ADGRV1: variants seen among roughly 807,000 people sequenced by gnomAD.
ADGRV1 encodes the protein adhesion G protein-coupled receptor V1.
In ADGRV1, 359 loss-of-function variants were observed where a neutral mutation model predicts 596.2. The observed-to-expected ratio is 0.60, with a 90% CI of 0.55 to 0.66. ADGRV1 has a LOEUF of 0.66. ADGRV1 is among the 30% of genes least tolerant of loss of function. The pLI is 0.00. For missense variants in ADGRV1, 7,274 were observed against 7,575.6 expected (o/e 0.96, Z 1.48); for synonymous variants, 2,681 against 2,679.2 (o/e 1.00, Z -0.02).
At chr5:90,708,140 A>G (rs1400897982) in intron 38 of ADGRV1, among the ~76,000 whole-genome samples, 1 of 151,192 alleles carries the variant, frequency 6.6e-6, no homozygotes, top group Non-Finnish European at 1.5e-5. Flanking sequence ...TTCTTTGTAA[A>G]TATTGATGGC....
At chr5:91,060,496 C>T (rs771521694) in intron 85 of ADGRV1, among the ~76,000 whole-genome samples, 23 of 151,780 alleles carry the variant, frequency 1.5e-4, no homozygotes, top group Non-Finnish European at 2.9e-4. Context: ...TCCCGAAGTG[C>T]TGAGGTTACA....
At chr5:90,710,927 A>C (rs1749253101) in intron 39 of ADGRV1, 54 bp from the exon 40 acceptor site, 4 of 1,081,584 alleles carry the variant, frequency 3.7e-6, no homozygotes, top group Middle Eastern at 4.2e-4. Context: ...CCTATATCAA[A>C]AATATTTTTA....
Position 91,163,882 on chromosome 5 carries a change from C to A in ADGRV1, c.18903C>A (p.Ile6301=). 1 of 1,559,896 alleles carries A rather than the reference C, an allele frequency of 6.4e-7. No individual in the cohort carries two copies. The highest frequency in any genetic ancestry group is 8.8e-7 in the Non-Finnish European group (1 of 1,133,146). Residue 6301 remains isoleucine (I), a synonymous_variant, in exon 90 of 90, where the codon ATC becomes ATA. Transcript: ENST00000405460. ...SQIVELRRIP[I]ADTHL ...TCGTGGAGCTCAGGAGGATACCCAT[C>A]GCCGACACTCACCTGTAGCACCTCA...
intron 83 of ADGRV1, among the ~76,000 whole-genome samples, chr5:90,938,765 T>G (rs1421037864): frequency 2.0e-5 from 3 of 152,190 alleles, no homozygotes; most frequent in South Asian, 4.1e-4. Flanking sequence ...TATTAATCAC[T>G]GAAACACTGA....
intron 1 of ADGRV1, among the ~76,000 whole-genome samples, chr5:90,564,322 G>A (rs1755255428): frequency 6.6e-6 from 1 of 152,192 alleles, no homozygotes; most frequent in Non-Finnish European, 1.5e-5. Flanking sequence ...GTAAGCTAAG[G>A]TTGGAGAGTG....
At chr5:90,686,960 G>A (rs1464661859) in intron 29 of ADGRV1, among the ~76,000 whole-genome samples, 14 of 152,140 alleles carry the variant, frequency 9.2e-5, no homozygotes, top group East Asian at 3.8e-4. Context: ...TTTCTCTGAC[G>A]GCCAGTGATG....
chr5:90,963,676 G>A (rs903750596), intron 83 of ADGRV1, among the ~76,000 whole-genome samples: 1 of 151,550 alleles, frequency 6.6e-6, no homozygotes, highest in African/African-American at 2.4e-5. Context: ...GGAGTAGAAA[G>A]GGACTTTGGA....
rs146859057 is a variant in ADGRV1 at position 90,715,909 on chromosome 5, T to C, written c.9185-558T>C. On this transcript the variant is annotated intron_variant, in intron 42 of 89. Transcript: ENST00000405460. ...GCAATTAGTAAGTTCTTAATAGTAT[T>C]AGTTGTAATTATTATTAATATAAGT... is the stretch of plus-strand genomic sequence containing the variant. 3.6e-3 allele frequency among the ~76,000 whole-genome samples: 551 copies of C among 152,318 alleles called. 30 individuals carry two copies. The East Asian group carries it at 0.098, about 27-fold the overall frequency.
At chr5:90,916,884 G>A (rs1040969664) in intron 83 of ADGRV1, among the ~76,000 whole-genome samples, 1 of 151,840 alleles carries the variant, frequency 6.6e-6, no homozygotes, top group Non-Finnish European at 1.5e-5. Context: ...CGCCCGCCTC[G>A]GCCTCCCAAA....
At chr5:90,690,131 A>G in intron 30 of ADGRV1, 55 bp downstream of exon 30, 2 of 1,002,188 alleles carry the variant, frequency 2.0e-6, no homozygotes, top group Non-Finnish European at 3.0e-6. Flanking sequence ...TAGATCATAG[A>G]TAATGATCTT....
chr5:90,835,457 T>C (rs1372718727), intron 77 of ADGRV1, among the ~76,000 whole-genome samples: 3 of 152,232 alleles, frequency 2.0e-5, no homozygotes, highest in Non-Finnish European at 4.4e-5. Flanking sequence ...TCAAGGACTC[T>C]TGTGGTCACT....
chr5:91,058,023 A>G (rs573255854), intron 85 of ADGRV1, among the ~76,000 whole-genome samples: 1 of 152,274 alleles, frequency 6.6e-6, no homozygotes, highest in Admixed American at 6.5e-5. Context: ...CAAAGAATAA[A>G]ATGTTTCAGA....
At chr5:90,662,684 G>A (rs1043752501) in intron 21 of ADGRV1, among the ~76,000 whole-genome samples, 12 of 151,028 alleles carry the variant, frequency 7.9e-5, no homozygotes, top group African/African-American at 2.0e-4. Flanking sequence ...ATATGTATAC[G>A]TGTGCCATGC....
chr5:90,617,798 T>C lies in ADGRV1; in HGVS notation c.208-6T>C. ...ATAAGAATGATCTATATTTTGCATTTGATAGCTGTATGGAGAGGACGCTGG... is the reference window on the plus strand; with the variant it reads ...ATAAGAATGATCTATATTTTGCATTCGATAGCTGTATGGAGAGGACGCTGG... On this transcript the variant is annotated splice_polypyrimidine_tract_variant and splice_region_variant and intron_variant, in intron 2 of 89. Coordinates refer to ENST00000405460, the MANE Select transcript of ADGRV1 (RefSeq NM_032119.4). 6.3e-7 allele frequency: 1 copy of C among 1,587,386 alleles called. No homozygotes were observed. Among genetic ancestry groups the C allele is most frequent in the Non-Finnish European group, 8.6e-7 (1 of 1,165,426 alleles).
At chr5:90,772,055 A>G (rs1561697577) in intron 59 of ADGRV1, among the ~76,000 whole-genome samples, 1 of 152,188 alleles carries the variant, frequency 6.6e-6, no homozygotes, top group African/African-American at 2.4e-5. Flanking sequence ...AATGAAGAGC[A>G]TATGATATGA....
intron 50 of ADGRV1, among the ~76,000 whole-genome samples, chr5:90,737,027 C>T (rs72782766): frequency 0.047 from 7,096 of 150,370 alleles, 211 homozygotes; most frequent in Non-Finnish European, 0.068. Context: ...TTTCTATTTC[C>T]TTTAGTTGTA....
At chr5:90,929,513 T>TG (rs1774994967) in intron 83 of ADGRV1, 1 of 152,442 alleles carries the variant, frequency 6.6e-6, no homozygotes, top group Middle Eastern at 3.1e-3. Context: ...GCGCACCCAC[T>TG]GACCTGCGCC....
At chr5:90,751,494 G>A (rs1414067002) in intron 53 of ADGRV1, among the ~76,000 whole-genome samples, 4 of 152,230 alleles carry the variant, frequency 2.6e-5, no homozygotes, top group Middle Eastern at 3.4e-3. Flanking sequence ...GGCAGACGAC[G>A]AGATTATCTA....
At chr5:90,691,113 A>G (rs1309232071) in intron 31 of ADGRV1, 72 bp downstream of exon 31, 1 of 1,564,306 alleles carries the variant, frequency 6.4e-7, no homozygotes, top group South Asian at 1.1e-5. Flanking sequence ...ACAGATGGCC[A>G]TTGTAACATT....
Sources: allele counts gnomAD v4.1 joint callset (sites outside exome capture counted in the v4.1 genomes callset), GRCh38; gene constraint gnomAD v4.1.1; transcripts MANE v1.5; gene names NCBI Gene and HGNC (gene_info 2026-07-23, HGNC 2026-07-21).